The following HMG20A variants were observed in gnomAD, a reference collection of about 807,000 sequenced individuals.
HMG20A encodes high mobility group protein 20A.
In HMG20A, 17 loss-of-function variants were observed where a neutral mutation model predicts 43.9. The ratio of observed to expected loss-of-function variants is 0.39; its 90% CI spans 0.27 to 0.58. The LOEUF is 0.58. Among genes scored for constraint, HMG20A ranks in the 20% least tolerant of loss-of-function variants. The pLI is 0.59. For synonymous variants in HMG20A, 132 were observed against 147.5 expected (o/e 0.89, Z 0.76); for missense variants, 341 against 438.2 (o/e 0.78, Z 1.98).
chr15:77,458,826 A>C (rs1021184284), intron 2 of HMG20A, among the ~76,000 whole-genome samples: 1 of 152,198 alleles, frequency 6.6e-6, no homozygotes, highest in African/African-American at 2.4e-5. Flanking sequence ...TTTCTGTTCA[A>C]ATTACCACAG....
chr15:77,516,837 G>A, the HMG20A span, among the ~76,000 whole-genome samples: 2 of 151,094 alleles, frequency 1.3e-5, no homozygotes, highest in Admixed American at 6.6e-5. Context: ...GAGACACAAC[G>A]GGCAGCTGAG....
chr15:77,443,929 T>C (rs1245457260), intron 1 of HMG20A, among the ~76,000 whole-genome samples: 3 of 152,122 alleles, frequency 2.0e-5, no homozygotes, highest in Admixed American at 1.3e-4. Flanking sequence ...CCGGCTGGTC[T>C]CAAATTCCTA....
the HMG20A span, among the ~76,000 whole-genome samples, chr15:77,496,220 A>G: frequency 6.6e-6 from 1 of 152,168 alleles, no homozygotes; most frequent in South Asian, 2.1e-4. Flanking sequence ...TTGGATATAA[A>G]TATTGATTCT....
the HMG20A span, among the ~76,000 whole-genome samples, chr15:77,508,782 A>G: frequency 7.9e-5 from 12 of 152,248 alleles, no homozygotes; most frequent in African/African-American, 2.9e-4. Context: ...TGCAGACTCA[A>G]TGGGAAACCC....
chr15:77,468,343 G>A (rs1278141647), intron 4 of HMG20A, among the ~76,000 whole-genome samples: 4 of 151,690 alleles, frequency 2.6e-5, no homozygotes. Flanking sequence ...TTATTTCTTG[G>A]GATAACCACT....
At chr15:77,501,338 A>C in the HMG20A span, among the ~76,000 whole-genome samples, 1 of 152,172 alleles carries the variant, frequency 6.6e-6, no homozygotes, top group Non-Finnish European at 1.5e-5. Context: ...ACTTCTTGAG[A>C]GATCTCCTCA....
At chr15:77,454,880 T>A (rs1266630003) in intron 1 of HMG20A, among the ~76,000 whole-genome samples, 1 of 152,090 alleles carries the variant, frequency 6.6e-6, no homozygotes, top group Admixed American at 6.5e-5. Flanking sequence ...GAGGTTGATA[T>A]AACCAAGGAA....
chr15:77,447,125 G>A (rs2073683346), intron 1 of HMG20A, among the ~76,000 whole-genome samples: 1 of 152,122 alleles, frequency 6.6e-6, no homozygotes, highest in Non-Finnish European at 1.5e-5. Flanking sequence ...TTAACTCTTA[G>A]TTCAGGCACT....
At chr15:77,514,696 TG>T in the HMG20A span, among the ~76,000 whole-genome samples, 7 of 151,580 alleles carry the variant, frequency 4.6e-5, no homozygotes, top group Non-Finnish European at 8.8e-5. Context: ...TGGGGGAAAA[TG>T]GGAAGCTGTG....
chr15:77,517,965 T>C, the HMG20A span, among the ~76,000 whole-genome samples: 2 of 152,208 alleles, frequency 1.3e-5, no homozygotes, highest in South Asian at 4.1e-4. Flanking sequence ...AAATGAAATA[T>C]TGAATGTCGG....
intron 1 of HMG20A, among the ~76,000 whole-genome samples, chr15:77,429,430 T>A (rs998872992): frequency 2.0e-5 from 3 of 152,162 alleles, no homozygotes; most frequent in Non-Finnish European, 4.4e-5. Context: ...CATGTCCACA[T>A]GTCCTTCATT....
chr15:77,504,530 G>T, the HMG20A span, among the ~76,000 whole-genome samples: 3 of 152,240 alleles, frequency 2.0e-5, no homozygotes, highest in African/African-American at 7.2e-5. Flanking sequence ...AGAGAAGCAG[G>T]TGCTCCCCGC....
chr15:77,479,538 T>C (rs940863230), intron 9 of HMG20A: 7 of 467,466 alleles, frequency 1.5e-5, no homozygotes, highest in African/African-American at 1.4e-4. Flanking sequence ...GGTGGGAGGA[T>C]TGCTTGAGCC....
chr15:77,486,440 T>C (rs1365610125), downstream of HMG20A, among the ~76,000 whole-genome samples: 1 of 152,104 alleles, frequency 6.6e-6, no homozygotes, highest in East Asian at 1.9e-4. Flanking sequence ...TTTGTATTTT[T>C]AGTAGAGACA....
intron 9 of HMG20A, chr15:77,482,626 T>C (rs184428915): frequency 6.6e-6 from 1 of 152,304 alleles, no homozygotes; most frequent in African/African-American, 2.4e-5. Flanking sequence ...GACCATACAT[T>C]CTTCAGACTA....
At chr15:77,455,744 C>G (rs1595922078) in intron 1 of HMG20A, among the ~76,000 whole-genome samples, 1 of 152,298 alleles carries the variant, frequency 6.6e-6, no homozygotes, top group East Asian at 1.9e-4. Context: ...AGTGTGACCT[C>G]TGTACTGGGA....
At chr15:77,454,393 CA>C (rs1221424560) in intron 1 of HMG20A, among the ~76,000 whole-genome samples, 1 of 151,762 alleles carries the variant, frequency 6.6e-6, no homozygotes, top group African/African-American at 2.4e-5. Context: ...TTATATCTTC[CA>C]AAAAAAGCAA....
At chr15:77,443,382 T>TGATGATG (rs1567394419) in intron 1 of HMG20A, among the ~76,000 whole-genome samples, 1,271 of 104,414 alleles carry the variant, frequency 0.012, 8 homozygotes, top group African/African-American at 0.012. Flanking sequence ...TGATGATGAT[T>TGATGATG]ATTATTATTA....
intron 1 of HMG20A, among the ~76,000 whole-genome samples, chr15:77,443,379 G>GATGATGATTATTATTATTATT (rs576920554): frequency 1.4e-4 from 18 of 131,318 alleles, no homozygotes; most frequent in African/African-American, 4.2e-4. Context: ...TGATGATGAT[G>GATGATGATTATTATTATTATT]ATTATTATTA....
Sources: allele counts gnomAD v4.1 joint callset (sites outside exome capture counted in the v4.1 genomes callset), GRCh38; gene constraint gnomAD v4.1.1; transcripts MANE v1.5; gene names NCBI Gene and HGNC (gene_info 2026-07-23, HGNC 2026-07-21).